The following PLEKHA7 variants were observed in gnomAD, a reference collection of about 807,000 sequenced individuals.
PLEKHA7 encodes the protein pleckstrin homology domain-containing family A member 7.
A neutral mutation model predicts 170.0 loss-of-function variants in PLEKHA7; 104 were observed. The ratio of observed to expected loss-of-function variants is 0.61; its 90% CI spans 0.52 to 0.72. PLEKHA7 has a LOEUF of 0.72. Among genes scored for constraint, PLEKHA7 ranks in the 30% least tolerant of loss-of-function variants. The probability of loss-of-function intolerance (pLI) is 0.00; values close to 1 mark genes in which losing one functional copy is unlikely to be tolerated. For synonymous variants in PLEKHA7, 648 were observed against 660.8 expected, an observed-to-expected ratio of 0.98 and a Z score of 0.30; for missense variants, 1,615 against 1,671.7, an observed-to-expected ratio of 0.97 and a Z score of 0.59.
intron 3 of PLEKHA7, among the ~76,000 whole-genome samples, chr11:16,871,398 G>A (rs1369348498): frequency 6.6e-6 from 1 of 152,146 alleles, no homozygotes; most frequent in Non-Finnish European, 1.5e-5. Flanking sequence ...GCCCACCTAC[G>A]AGACAGGGAG....
At position 16,956,554 on chromosome 11, in the gene PLEKHA7, T is replaced by C. The variant is rs1277564563; in HGVS notation, c.221+57435A>G. 2.0e-5 allele frequency among the ~76,000 whole-genome samples: 3 copies of C among 152,192 alleles called. No individual in the cohort carries two copies. In the South Asian group the frequency reaches 6.2e-4, roughly 32 times the overall value. On this transcript the variant is annotated intron_variant, in intron 3 of 26. Coordinates refer to ENST00000531066, the MANE Select transcript of PLEKHA7 (RefSeq NM_001329630.2). ...TCTACTGATTAACAGAACCAGCTAA[T>C]GGTCCTTCAATAATCCCACGCTCAC... is the stretch of plus-strand genomic sequence containing the variant.
intron 9 of PLEKHA7, among the ~76,000 whole-genome samples, chr11:16,830,913 A>C (rs1350686638): frequency 6.6e-6 from 1 of 152,254 alleles, no homozygotes; most frequent in Admixed American, 6.5e-5. Context: ...CATAATTCTT[A>C]GTCCTTACTA....
Position 16,880,151 on chromosome 11 carries a change from C to T in PLEKHA7, c.222-8969G>A, listed in dbSNP as rs532370425. ...GCTTTGTCACTACCAGCTAGCTCTA[C>T]AGCCCAGGCAACTACTCAACCTCCC... On this transcript the variant is annotated intron_variant, in intron 3 of 26. Coordinates refer to ENST00000531066, the MANE Select transcript of PLEKHA7 (RefSeq NM_001329630.2). 2.6e-5 allele frequency among the ~76,000 whole-genome samples: 4 copies of T among 152,278 alleles called. No individual in the cohort carries two copies. The South Asian group carries it at 6.2e-4, about 24-fold the overall frequency.
rs529358479 is a variant in PLEKHA7, at chr11:16,856,890, C to T, written c.306-976G>A. The stretch of plus-strand genomic sequence containing the variant: ...CTCCAATAGGCAACAGAATCCAGGT[C>T]ATTGGAGACCAAGCAGATCACAGAA... On this transcript the variant is annotated intron_variant, in intron 4 of 26. Coordinates refer to ENST00000531066, the MANE Select transcript of PLEKHA7 (RefSeq NM_001329630.2). 1.1e-4 allele frequency among the ~76,000 whole-genome samples: 16 copies of T among 152,298 alleles called. No homozygotes were observed. The South Asian group carries it at 3.3e-3, about 32-fold the overall frequency.
At position 16,836,268 on chromosome 11, in the gene PLEKHA7, A is replaced by G. The variant is rs116561595; in HGVS notation, c.872+5279T>C. On this transcript the variant is annotated intron_variant, in intron 9 of 26. Coordinates refer to ENST00000531066, the MANE Select transcript of PLEKHA7 (RefSeq NM_001329630.2). The stretch of plus-strand genomic sequence containing the variant: ...TTTAACACACAGGTGGGAAGAGCCC[A>G]GAGTCTGAGAATATGACTTCTAGTG... Among the ~76,000 whole-genome samples, 1,211 of 152,366 alleles carry G rather than the reference A, an allele frequency of 7.9e-3. 13 individuals are homozygous for G. Among genetic ancestry groups the G allele is most frequent in the African/African-American group, 0.027 (1,137 of 41,596 alleles).
chr11:16,965,326 G>GAA (rs11453911), intron 3 of PLEKHA7, among the ~76,000 whole-genome samples: 102 of 150,822 alleles, frequency 6.8e-4, no homozygotes, highest in African/African-American at 2.3e-3. Context: ...GTCTCAAAAA[G>GAA]AAAAAAAAAG....
chr11:16,796,213 G>C (rs543599602), intron 17 of PLEKHA7, among the ~76,000 whole-genome samples: 9 of 152,274 alleles, frequency 5.9e-5, no homozygotes, highest in African/African-American at 1.9e-4. Context: ...CAGAAGGGAA[G>C]GCAAGGACTA....
rs756017372 is a variant in PLEKHA7 at position 16,851,301 on chromosome 11, G to A, written c.596-10C>T. On this transcript the variant is annotated splice_polypyrimidine_tract_variant and intron_variant, in intron 7 of 26. Transcript: ENST00000531066. ...GCTTCTTCTCGGCTGTCTTTGAATG[G>A]AAAAATGCATCAGAACAACCTTCTG... The A allele has an allele frequency of 1.2e-6, 2 of 1,603,404 alleles. No homozygotes were observed. The highest frequency in any genetic ancestry group is 2.2e-5 in the South Asian group (2 of 89,378).
chr11:16,832,047 G>A (rs1237076878), intron 9 of PLEKHA7, among the ~76,000 whole-genome samples: 1 of 152,204 alleles, frequency 6.6e-6, no homozygotes. Context: ...AAGAAGGCAA[G>A]CTTAGCTAAC....
At chr11:16,915,930 A>G in intron 3 of PLEKHA7, among the ~76,000 whole-genome samples, 1 of 148,444 alleles carries the variant, frequency 6.7e-6, no homozygotes. Context: ...TCCCTGAGGA[A>G]TCGCCACACT....
At chr11:16,986,357 A>C (rs1034811623) in intron 3 of PLEKHA7, among the ~76,000 whole-genome samples, 3 of 152,178 alleles carry the variant, frequency 2.0e-5, no homozygotes, top group African/African-American at 7.2e-5. Flanking sequence ...ATCTGTTACA[A>C]ATCACAGGTG....
intron 3 of PLEKHA7, among the ~76,000 whole-genome samples, chr11:16,908,256 TAAAA>T (rs56085929): frequency 9.6e-6 from 1 of 104,528 alleles, no homozygotes; most frequent in East Asian, 2.9e-4. Context: ...GAATGATCAA[TAAAA>T]AAAAAAAAAA....
chr11:16,865,096 C>G (rs996843660), intron 4 of PLEKHA7, among the ~76,000 whole-genome samples: 3 of 152,172 alleles, frequency 2.0e-5, no homozygotes, highest in African/African-American at 7.2e-5. Context: ...ATATCAATTG[C>G]TCAACACCTC....
chr11:16,830,053 A>C (rs1469359373), intron 9 of PLEKHA7, among the ~76,000 whole-genome samples: 1 of 151,986 alleles, frequency 6.6e-6, no homozygotes, highest in Non-Finnish European at 1.5e-5. Flanking sequence ...AACAGAGCTC[A>C]CCGCAGCCTC....
Position 16,957,855 on chromosome 11 carries a change from C to A in PLEKHA7, c.221+56134G>T, listed in dbSNP as rs185968321. ...AGTAGCTGGGATTACAGGCATGCAC[C>A]ACCACGCCCGGCTAATTTTTTGTAT... is the stretch of plus-strand genomic sequence containing the variant. On this transcript the variant is annotated intron_variant, in intron 3 of 26. Coordinates refer to ENST00000531066, the MANE Select transcript of PLEKHA7 (RefSeq NM_001329630.2). Among the ~76,000 whole-genome samples, 119 of 151,892 alleles carry A rather than the reference C, an allele frequency of 7.8e-4. 1 individual carries two copies. Among genetic ancestry groups the A allele is most frequent in the African/African-American group, 2.8e-3 (116 of 41,430 alleles).
At chr11:16,869,969 A>G in intron 4 of PLEKHA7, among the ~76,000 whole-genome samples, 1 of 152,252 alleles carries the variant, frequency 6.6e-6, no homozygotes, top group East Asian at 1.9e-4. Flanking sequence ...ATTTTCTTCA[A>G]ATAGAACTGT....
At position 16,817,211 on chromosome 11, in the gene PLEKHA7, C is replaced by T. The variant is rs35497498; in HGVS notation, c.1455G>A (p.Ser485=). The change falls in exon 11 of 27, where the codon TCG becomes TCA. Residue 485 remains serine (S), a synonymous_variant. Transcript: ENST00000531066. This position sits in a 1 kb window ranked among gnomAD's most constrained non-coding sequence, Gnocchi z 4.4. ...KSTRHPSGGS[S]PPPRNLPSDY... ...CACTTGGCAGGTTTCGGGGAGGTGG[C>T]GAGGAGCCCCCCGAGGGGTGTCGGG... 2.9e-3 allele frequency: 4,724 copies of T among 1,613,870 alleles called. 109 individuals are homozygous for T. The African/African-American group carries it at 0.051, about 17-fold the overall frequency.
At chr11:16,899,963 T>G (rs977622608) in intron 3 of PLEKHA7, among the ~76,000 whole-genome samples, 2 of 152,162 alleles carry the variant, frequency 1.3e-5, no homozygotes, top group South Asian at 4.1e-4. Context: ...GGCAGGGAAG[T>G]GTCAGTGAGC....
At chr11:16,921,587 TGACTTCCA>T (rs981993005) in intron 3 of PLEKHA7, among the ~76,000 whole-genome samples, 20 of 152,250 alleles carry the variant, frequency 1.3e-4, no homozygotes, top group Non-Finnish European at 1.5e-5. Context: ...TTCAGATGCA[TGACTTCCA>T]GTAAGGAGTC....
Sources: allele counts gnomAD v4.1 joint callset (sites outside exome capture counted in the v4.1 genomes callset), GRCh38; gene constraint gnomAD v4.1.1; non-coding constraint Gnocchi (gnomAD v3.1); transcripts MANE v1.5; gene names NCBI Gene and HGNC (gene_info 2026-07-23, HGNC 2026-07-21).